Variants in IGSF9B observed in about 807,000 individuals in gnomAD.
IGSF9B encodes the protein protein turtle homolog B.
A neutral mutation model predicts 143.7 loss-of-function variants in IGSF9B; 48 were observed. The ratio of observed to expected loss-of-function variants is 0.33; its 90% CI spans 0.26 to 0.42. The LOEUF is 0.42. IGSF9B is among the 20% of genes least tolerant of loss of function. The pLI is 1.00. For synonymous variants in IGSF9B, 903 were observed against 833.1 expected, an observed-to-expected ratio of 1.08 and a Z score of -1.44; for missense variants, 1,706 against 1,980.0, an observed-to-expected ratio of 0.86 and a Z score of 2.63.
intron 3 of IGSF9B, among the ~76,000 whole-genome samples, chr11:133,939,893 TACAG>T (rs577401616): frequency 4.6e-4 from 57 of 123,638 alleles, no homozygotes; most frequent in African/African-American, 1.6e-3. Context: ...CGTCATCACA[TACAG>T]AAACATACAC....
chr11:133,922,921 C>A (rs1197914958), intron 15 of IGSF9B, among the ~76,000 whole-genome samples, 191 bp from the exon 16 acceptor site: 1 of 152,218 alleles, frequency 6.6e-6, no homozygotes, highest in Non-Finnish European at 1.5e-5. Flanking sequence ...GGAGAGTCTA[C>A]AGAAGTCAAT....
chr11:133,936,867 A>G (rs1031566818), intron 5 of IGSF9B, among the ~76,000 whole-genome samples: 6 of 152,178 alleles, frequency 3.9e-5, no homozygotes, highest in African/African-American at 1.4e-4. Flanking sequence ...CATCCTGCAC[A>G]GTTCCTGGCC....
intron 1 of IGSF9B, among the ~76,000 whole-genome samples, chr11:133,955,752 A>G (rs1940239029): frequency 6.6e-6 from 1 of 151,930 alleles, no homozygotes; most frequent in Non-Finnish European, 1.5e-5. Context: ...CCCATCTCCA[A>G]AGCAAAAGCC....
chr11:133,912,265 G>A (rs2121271335), intron 18 of IGSF9B: 2 of 635,872 alleles, frequency 3.1e-6, no homozygotes, highest in East Asian at 3.2e-5. Context: ...CCCTAGCAAA[G>A]GCAGACAGAG....
intron 15 of IGSF9B, among the ~76,000 whole-genome samples, chr11:133,923,995 T>A (rs2121297652): frequency 6.6e-6 from 1 of 152,218 alleles, no homozygotes; most frequent in Admixed American, 6.5e-5. Context: ...TGATGCCTAA[T>A]GTATAAAGCA....
Position 133,931,223 on chromosome 11 carries a change from A to C in IGSF9B, c.1369-89T>G, listed in dbSNP as rs1591717462. On this transcript the variant is annotated intron_variant, in intron 10 of 19. Transcript: ENST00000533871. The surrounding 1 kb of genome is among the most constrained non-coding windows in gnomAD (Gnocchi z 7.7). ...AGCAGATGGGGAGGACGCGCCTGAG[A>C]CCCCGGCCCGCCCACGCTGCCCTCC... is the stretch of plus-strand genomic sequence containing the variant. 1.5e-6 allele frequency: 2 copies of C among 1,363,044 alleles called. No homozygotes were observed. Among genetic ancestry groups the C allele is most frequent in the East Asian group, 2.3e-5 (1 of 42,754 alleles). The allele number at this position is 1,363,044 out of a possible 1,614,324, so 84.4% of individuals were successfully genotyped here. A position where few individuals can be genotyped will look rare whatever the true frequency, so the allele number is the denominator to read the frequency against.
At chr11:133,912,543 C>T (rs554833983) in intron 18 of IGSF9B, among the ~76,000 whole-genome samples, 1 of 152,326 alleles carries the variant, frequency 6.6e-6, no homozygotes, top group East Asian at 1.9e-4. Flanking sequence ...GCTTCTTCTG[C>T]AGCTGCAAGA....
chr11:133,930,370 G>A (rs137881609), intron 11 of IGSF9B, among the ~76,000 whole-genome samples: 141 of 152,294 alleles, frequency 9.3e-4, no homozygotes, highest in African/African-American at 3.1e-3. Context: ...TGTGAAGGAC[G>A]AGCTGTGCAG....
intron 1 of IGSF9B, among the ~76,000 whole-genome samples, chr11:133,949,238 C>T (rs1202340196): frequency 6.6e-6 from 1 of 152,136 alleles, no homozygotes; most frequent in Non-Finnish European, 1.5e-5. Flanking sequence ...GCGCCCATGT[C>T]CTGGCCTCCA....
At chr11:133,919,126 G>T in intron 18 of IGSF9B, 1 of 362,532 alleles carries the variant, frequency 2.8e-6, no homozygotes, top group South Asian at 1.9e-5. Flanking sequence ...TACGGGGGGG[G>T]GGTGGGGGAC....
At position 133,917,378 on chromosome 11, in the gene IGSF9B, CA is replaced by C. The variant is rs571757877; in HGVS notation, c.3983+2363del. On this transcript the variant is annotated intron_variant, in intron 18 of 19. Coordinates refer to ENST00000533871, the MANE Select transcript of IGSF9B (RefSeq NM_001277285.4). ...CTCAAGGAGAGGCTGACTGCGGGGG[CA>C]GGGGGAGGGACACAGTGCTGGTCCC... is the stretch of plus-strand genomic sequence containing the variant. Among the ~76,000 whole-genome samples the C allele has an allele frequency of 3.3e-5, 5 of 152,172 alleles. No individual in the cohort carries two copies. The South Asian group carries it at 1.0e-3, about 32-fold the overall frequency.
chr11:133,956,902 C>T lies in IGSF9B; in HGVS notation c.-148G>A. 2.4e-6 allele frequency: 1 copy of T among 424,264 alleles called. No individual in the cohort carries two copies. Among genetic ancestry groups the T allele is most frequent in the East Asian group, 3.8e-5 (1 of 26,396 alleles). The allele number at this position is 424,264 out of a possible 1,614,324, so 26.3% of individuals were successfully genotyped here. On this transcript the variant is annotated 5_prime_UTR_variant, in exon 1 of 20. The change abolishes an upstream ATG in the 5' untranslated region. Coordinates refer to ENST00000533871, the MANE Select transcript of IGSF9B (RefSeq NM_001277285.4). ...CCTGCAGCCCGGGTGGCCAGCTCTC[C>T]ATCCCTCCTAGGCTCCGCTCGGCTC...
chr11:133,926,705 C>A (rs536985268), intron 13 of IGSF9B, among the ~76,000 whole-genome samples: 1 of 152,252 alleles, frequency 6.6e-6, no homozygotes, highest in Non-Finnish European at 1.5e-5. Context: ...CCTGAAAAAG[C>A]AACAGGAATT....
chr11:133,911,172 T>A (rs1939295828), intron 19 of IGSF9B, among the ~76,000 whole-genome samples: 1 of 152,226 alleles, frequency 6.6e-6, no homozygotes, highest in South Asian at 2.1e-4. Flanking sequence ...AAACCATTCA[T>A]GAAAAGAGGG....
chr11:133,946,948 G>A (rs903049298), intron 1 of IGSF9B, among the ~76,000 whole-genome samples: 5 of 152,176 alleles, frequency 3.3e-5, no homozygotes, highest in South Asian at 4.1e-4. Flanking sequence ...CAGCCCTGCC[G>A]CAGAGGGGGG....
In IGSF9B at chr11:133,944,235, G is replaced by A. The variant is rs1190395049; in HGVS notation, c.394C>T (p.His132Tyr). Residue 132 changes from histidine to tyrosine, a missense_variant, in exon 3 of 20, where the codon CAC becomes TAC. This residue lies in a region of IGSF9B where 171 missense variants were observed against 213.9 expected (regional missense o/e 0.80). Transcript: ENST00000533871. ...CGTCACTCACCGTTGATGGTGAGGT[G>A]GACCCAGCTGCCATTGTGGAAGGTG... Reference protein sequence around the residue: ...YDTFHNGSWVHLTINAPPTFT... With the variant: ...YDTFHNGSWVYLTINAPPTFT... 2.5e-6 allele frequency: 4 copies of A among 1,608,304 alleles called. No homozygotes were observed. Among genetic ancestry groups the A allele is most frequent in the Non-Finnish European group, 2.5e-6 (3 of 1,176,744 alleles).
At chr11:133,952,936 C>T (rs1940190725) in intron 1 of IGSF9B, among the ~76,000 whole-genome samples, 1 of 152,196 alleles carries the variant, frequency 6.6e-6, no homozygotes, top group Non-Finnish European at 1.5e-5. Flanking sequence ...TCCCTAAGTA[C>T]TCTGCACCCC....
chr11:133,934,769 C>T (rs182711129), intron 7 of IGSF9B, among the ~76,000 whole-genome samples: 10 of 152,322 alleles, frequency 6.6e-5, no homozygotes, highest in Admixed American at 2.0e-4. Flanking sequence ...ACACTGACCC[C>T]GGTCTTGTCT....
intron 18 of IGSF9B, among the ~76,000 whole-genome samples, chr11:133,914,711 A>C (rs1428544299): frequency 6.6e-6 from 1 of 152,186 alleles, no homozygotes; most frequent in Non-Finnish European, 1.5e-5. Context: ...TGTGGGAGGA[A>C]AAAACAAAAG....
Sources: allele counts gnomAD v4.1 joint callset (sites outside exome capture counted in the v4.1 genomes callset), GRCh38; gene constraint gnomAD v4.1.1; regional missense constraint gnomAD v4.1.1; non-coding constraint Gnocchi (gnomAD v3.1); transcripts MANE v1.5; gene names NCBI Gene and HGNC (gene_info 2026-07-23, HGNC 2026-07-21).